SRPRB: variants seen among roughly 807,000 people sequenced by gnomAD.
SRPRB encodes SRP receptor subunit beta, also known as signal recognition particle receptor subunit beta.
SRPRB carries 20 observed loss-of-function variants against 31.9 expected under a neutral mutation model. That is an observed-to-expected ratio of 0.63 (90% CI 0.44 to 0.91). The LOEUF (loss-of-function observed/expected upper bound fraction) is 0.91, where lower values mean the gene tolerates loss of function less well. Ranked by LOEUF, SRPRB falls within the 40% of genes least tolerant of loss-of-function variation. The probability of loss-of-function intolerance (pLI) is 0.00; values close to 1 mark genes in which losing one functional copy is unlikely to be tolerated. For synonymous variants in SRPRB, 146 were observed against 132.8 expected (o/e 1.10, Z -0.68); for missense variants, 321 against 324.9 (o/e 0.99, Z 0.09).
At chr3:133,812,249 T>C (rs1935276512) in intron 4 of SRPRB, among the ~76,000 whole-genome samples, 2 of 152,354 alleles carry the variant, frequency 1.3e-5, no homozygotes, top group South Asian at 4.1e-4. Flanking sequence ...TTGCCTTTTA[T>C]TGAAGATGTC....
chr3:133,819,746 T>A lies in SRPRB; in HGVS notation c.796T>A (p.Trp266Arg). Residue 266 changes from tryptophan to arginine, a missense_variant, in exon 7 of 7, where the codon TGG (tryptophan) becomes AGG (arginine). By Grantham distance (101) the Trp-to-Arg change is moderately radical (BLOSUM62 -3). Coordinates refer to ENST00000678299, the MANE Select transcript of SRPRB (RefSeq NM_001379313.1). ...GSADIQDLEK[W>R]LAKIA is the part of the protein sequence containing the mutation. The stretch of plus-strand genomic sequence containing the variant: ...TGCTGACATCCAGGACTTGGAGAAA[T>A]GGCTGGCTAAAATTGCCTGAGAGGC... The A allele has an allele frequency of 6.2e-7, 1 of 1,614,022 alleles. No individual in the cohort carries two copies.
In SRPRB at chr3:133,819,916, G is replaced by T; in HGVS notation, c.*150G>T. The stretch of plus-strand genomic sequence containing the variant: ...ACAAAGTACTGTTGAAACCAGCTTG[G>T]AATTTTTTTTTTTTTTTTTTTTAAG... On this transcript the variant is annotated 3_prime_UTR_variant, in exon 7 of 7. Coordinates refer to ENST00000678299, the MANE Select transcript of SRPRB (RefSeq NM_001379313.1). 4 of 683,944 alleles carry T rather than the reference G, an allele frequency of 5.8e-6. No homozygotes were observed. The highest frequency in any genetic ancestry group is 9.4e-6 in the Non-Finnish European group (4 of 427,068). The allele number at this position is 683,944 out of a possible 1,614,324, so 42.4% of individuals were successfully genotyped here.
At chr3:133,818,966 G>A (rs1935415492) in intron 6 of SRPRB, among the ~76,000 whole-genome samples, 1 of 152,180 alleles carries the variant, frequency 6.6e-6, no homozygotes, top group Admixed American at 6.5e-5. Flanking sequence ...AGCAGAAAGG[G>A]GAAGGGGAGG....
upstream of SRPRB, among the ~76,000 whole-genome samples, chr3:133,801,512 T>C (rs1935061831): frequency 6.6e-6 from 1 of 152,196 alleles, no homozygotes; most frequent in Admixed American, 6.5e-5. Flanking sequence ...TTGAACCTTT[T>C]TTCTTCCTTT....
downstream of SRPRB, chr3:133,827,872 T>C (rs1209754522): frequency 1.0e-5 from 7 of 689,464 alleles, no homozygotes; most frequent in Admixed American, 1.4e-4. Context: ...TTCTTAGACT[T>C]GGCCCAGGCA....
intron 1 of SRPRB, among the ~76,000 whole-genome samples, chr3:133,798,105 T>C (rs1377232133): frequency 6.6e-6 from 1 of 152,350 alleles, no homozygotes; most frequent in African/African-American, 2.4e-5. Context: ...GGAGACAATG[T>C]ATGATTAAAA....
At chr3:133,798,164 G>A (rs1935006766) in intron 1 of SRPRB, among the ~76,000 whole-genome samples, 1 of 152,182 alleles carries the variant, frequency 6.6e-6, no homozygotes, top group South Asian at 2.1e-4. Flanking sequence ...TGTTATAATT[G>A]ATAGAAAAGA....
upstream of SRPRB, among the ~76,000 whole-genome samples, chr3:133,801,217 G>C (rs1299084524): frequency 6.6e-6 from 1 of 152,176 alleles, no homozygotes; most frequent in East Asian, 1.9e-4. Context: ...TTATGGAAGA[G>C]AAGAGAAAAA....
Position 133,811,146 on chromosome 3 carries a change from C to T in SRPRB, c.357C>T (p.Pro119=), listed in dbSNP as rs767114129. 3.4e-5 allele frequency: 55 copies of T among 1,614,040 alleles called. No homozygotes were observed. The highest frequency in any genetic ancestry group is 4.3e-5 in the Non-Finnish European group (51 of 1,180,014). Residue 119 remains proline (P), a synonymous_variant, in exon 4 of 7, where the codon CCC becomes CCT. Transcript: ENST00000678299. ...ATAGTCTGACCTTGATTGACCTTCC[C>T]GGCCATGAGAGTTTGAGGCTTCAGT... is the stretch of plus-strand genomic sequence containing the variant. ...RGNSLTLIDL[P]GHESLRLQFL...
At chr3:133,786,437 A>C (rs1934688481) in intron 1 of SRPRB, 1 of 152,100 alleles carries the variant, frequency 6.6e-6, no homozygotes, top group African/African-American at 2.4e-5. Context: ...GGGAGGAGAG[A>C]GGAAAGGAAG....
At chr3:133,789,879 G>GTTTTTTTTTTTTT (rs56267966) in intron 1 of SRPRB, 3 of 88,982 alleles carry the variant, frequency 3.4e-5, no homozygotes, top group Non-Finnish European at 6.1e-5. Flanking sequence ...TCTCGTTTGC[G>GTTTTTTTTTTTTT]TTTTTTTTTT....
chr3:133,807,559 C>T (rs3817524), intron 2 of SRPRB, among the ~76,000 whole-genome samples, 187 bp from the exon 3 acceptor site: 56,414 of 151,964 alleles, frequency 0.37, 10,590 homozygotes, highest in African/African-American at 0.41. Flanking sequence ...TTTTATTCCA[C>T]TGAGGAGTAA....
upstream of SRPRB, among the ~76,000 whole-genome samples, chr3:133,802,680 G>A (rs1935079609): frequency 6.6e-6 from 1 of 151,890 alleles, no homozygotes; most frequent in African/African-American, 2.4e-5. Flanking sequence ...CTTTTTTGTG[G>A]GTTCCTTTCC....
Position 133,806,626 on chromosome 3 carries a change from C to A in SRPRB, c.172C>A (p.Arg58=). 1 of 1,613,996 alleles carries A rather than the reference C, an allele frequency of 6.2e-7. No homozygotes were observed. ...TTCCACAGTCTTCTGGAAGTTAATCCGGAGCAGAAGGAGCAGTCAGAGAGC... is the reference window on the plus strand; with the variant it reads ...TTCCACAGTCTTCTGGAAGTTAATCAGGAGCAGAAGGAGCAGTCAGAGAGC... The part of the protein sequence containing the change: ...LLTLVFWKLI[R]SRRSSQRAVL... Residue 58 remains arginine (R), a synonymous_variant, in exon 2 of 7, where the codon CGG becomes AGG. Coordinates refer to ENST00000678299, the MANE Select transcript of SRPRB (RefSeq NM_001379313.1).
intron 3 of SRPRB, among the ~76,000 whole-genome samples, chr3:133,809,312 G>A (rs1362767852): frequency 1.3e-5 from 2 of 152,188 alleles, no homozygotes; most frequent in East Asian, 1.9e-4. Flanking sequence ...GTTTCGGTGA[G>A]TGAGTGGAGT....
intron 1 of SRPRB, chr3:133,795,767 G>A (rs78537082): frequency 0.042 from 6,393 of 151,870 alleles, 154 homozygotes; most frequent in South Asian, 0.066. Flanking sequence ...TAGTGGAGAC[G>A]GGGTTTCACC....
chr3:133,815,718 A>C lies in SRPRB; in HGVS notation c.539A>C (p.Asn180Thr), dbSNP rs138440904. 1 of 1,613,382 alleles carries C rather than the reference A, an allele frequency of 6.2e-7. No individual in the cohort carries two copies. The highest frequency in any genetic ancestry group is 2.2e-5 in the East Asian group (1 of 44,872). ...KNTPSFLIAC[N>T]KQDIAMAKSA... ...ACACCATCATTCTTAATAGCCTGCAATAAGCAAGGTGCCATCATGTTTTCT... is the reference window on the plus strand; with the variant it reads ...ACACCATCATTCTTAATAGCCTGCACTAAGCAAGGTGCCATCATGTTTTCT... Residue 180 changes from asparagine to threonine, a missense_variant, in exon 5 of 7, where the codon AAT becomes ACT. Coordinates refer to ENST00000678299, the MANE Select transcript of SRPRB (RefSeq NM_001379313.1).
Position 133,818,532 on chromosome 3 carries a change from C to T in SRPRB, c.603-1021C>T, listed in dbSNP as rs116711620. 3.5e-3 allele frequency among the ~76,000 whole-genome samples: 526 copies of T among 152,220 alleles called. 3 individuals carry two copies. Among genetic ancestry groups the T allele is most frequent in the African/African-American group, 0.012 (491 of 41,520 alleles). Reference sequence around the variant, plus strand: ...GGCATTTCATAGTCTCTCAATAACACGGTATATTATATTTACATGGCCTTG... The same window carrying T: ...GGCATTTCATAGTCTCTCAATAACATGGTATATTATATTTACATGGCCTTG... On this transcript the variant is annotated intron_variant, in intron 6 of 6. Coordinates refer to ENST00000678299, the MANE Select transcript of SRPRB (RefSeq NM_001379313.1).
chr3:133,784,471 A>AAAAAAAAAT (rs763086171), intron 1 of SRPRB: 45 of 105,594 alleles, frequency 4.3e-4, no homozygotes, highest in African/African-American at 1.7e-3. Flanking sequence ...TTTGTTAAAA[A>AAAAAAAAAT]AATAATAATA....
Sources: gnomAD v4.1 joint callset for allele counts (sites outside exome capture counted in the v4.1 genomes callset) on GRCh38, gnomAD v4.1.1 for gene constraint, MANE v1.5 for transcripts, NCBI Gene and HGNC (gene_info 2026-07-23, HGNC 2026-07-21) for gene names.